The following NTM variants were observed in gnomAD, a reference collection of about 807,000 sequenced individuals.
NTM encodes the protein IgLON family member 2.
A neutral mutation model predicts 42.1 loss-of-function variants in NTM; 13 were observed. That is an observed-to-expected ratio of 0.31 (90% CI 0.20 to 0.49). The LOEUF (loss-of-function observed/expected upper bound fraction) is 0.49, where lower values mean the gene tolerates loss of function less well. NTM is among the 20% of genes least tolerant of loss of function. The probability of loss-of-function intolerance (pLI) is 0.99; values close to 1 mark genes in which losing one functional copy is unlikely to be tolerated. For missense variants in NTM, 373 were observed against 452.8 expected (o/e 0.82, Z 1.60); for synonymous variants, 187 against 179.2 (o/e 1.04, Z -0.35).
At chr11:131,806,490 C>G (rs769216602) in intron 1 of NTM, among the ~76,000 whole-genome samples, 1 of 152,170 alleles carries the variant, frequency 6.6e-6, no homozygotes, top group Middle Eastern at 3.4e-3. Flanking sequence ...AAGTGCTCAA[C>G]AACTATTTAT....
intron 1 of NTM, among the ~76,000 whole-genome samples, chr11:131,388,424 GTTTT>G (rs374892633): frequency 1.8e-5 from 2 of 110,288 alleles, no homozygotes; most frequent in Non-Finnish European, 3.9e-5. Flanking sequence ...TGGGTTTTGG[GTTTT>G]TTTTTTTTTT....
intron 3 of NTM, among the ~76,000 whole-genome samples, chr11:132,177,012 C>T (rs1219946086): frequency 6.6e-6 from 1 of 152,050 alleles, no homozygotes; most frequent in African/African-American, 2.4e-5. Context: ...GCTGGGGTTA[C>T]AGGTGTGAGC....
At chr11:131,647,096 TC>T (rs1316231409) in intron 1 of NTM, among the ~76,000 whole-genome samples, 2 of 152,194 alleles carry the variant, frequency 1.3e-5, no homozygotes, top group Non-Finnish European at 2.9e-5. Flanking sequence ...CGGGGTGAAC[TC>T]ATCTTAAATC....
rs1222780177 is a variant in NTM at position 131,878,369 on chromosome 11, G to A, written c.83-33195G>A. On this transcript the variant is annotated intron_variant, in intron 1 of 8. Transcript: ENST00000683400. ...ATGGATCACCTGAGGTCAGGAGTTC[G>A]AGACCAGCCTGGCCAACATGGTGAA... 2.0e-5 allele frequency among the ~76,000 whole-genome samples: 3 copies of A among 151,398 alleles called. 1 individual carries two copies. Among genetic ancestry groups the A allele is most frequent in the Admixed American group, 6.6e-5 (1 of 15,226 alleles).
intron 3 of NTM, among the ~76,000 whole-genome samples, chr11:132,200,221 C>T (rs1019804204): frequency 6.6e-6 from 1 of 152,138 alleles, no homozygotes; most frequent in Non-Finnish European, 1.5e-5. Flanking sequence ...AGTGGGACCA[C>T]CTCCCAGGAT....
chr11:132,314,277 G>T (rs115497357), intron 6 of NTM, among the ~76,000 whole-genome samples: 1,784 of 152,318 alleles, frequency 0.012, 35 homozygotes, highest in African/African-American at 0.041. Flanking sequence ...TTGTGGTGTT[G>T]CTGTCAGACT....
At chr11:132,235,993 GACACACAC>G (rs367555812) in intron 4 of NTM, among the ~76,000 whole-genome samples, 60 of 101,266 alleles carry the variant, frequency 5.9e-4, no homozygotes, top group African/African-American at 1.8e-3. Context: ...CACACACACA[GACACACAC>G]ACACACACAC....
At chr11:132,207,521 A>G (rs996400842) in intron 3 of NTM, among the ~76,000 whole-genome samples, 1 of 152,188 alleles carries the variant, frequency 6.6e-6, no homozygotes, top group Non-Finnish European at 1.5e-5. Context: ...ATATAAATAC[A>G]ATGCATAATA....
intron 2 of NTM, among the ~76,000 whole-genome samples, chr11:132,033,072 C>A (rs530816269): frequency 1.2e-4 from 19 of 152,166 alleles, no homozygotes; most frequent in Admixed American, 1.2e-3. Context: ...CATAGCTTTA[C>A]CTCTGGGATT....
At chr11:131,961,696 C>CG (rs2062191588) in intron 2 of NTM, among the ~76,000 whole-genome samples, 1 of 152,056 alleles carries the variant, frequency 6.6e-6, no homozygotes, top group Non-Finnish European at 1.5e-5. Context: ...CAAGAGTGGC[C>CG]GGCAGTGAGG....
chr11:131,760,542 G>A (rs1470124389), intron 1 of NTM, among the ~76,000 whole-genome samples: 2 of 152,130 alleles, frequency 1.3e-5, no homozygotes, highest in Non-Finnish European at 2.9e-5. Flanking sequence ...CATCTGTTCC[G>A]TTCTGATTCC....
At chr11:132,202,978 C>T (rs1199675941) in intron 3 of NTM, among the ~76,000 whole-genome samples, 1 of 152,120 alleles carries the variant, frequency 6.6e-6, no homozygotes, top group Non-Finnish European at 1.5e-5. Flanking sequence ...AATAATAATC[C>T]ACTGAGGTTA....
chr11:131,404,882 A>G (rs754384364), intron 1 of NTM, among the ~76,000 whole-genome samples: 1 of 152,198 alleles, frequency 6.6e-6, no homozygotes, highest in Non-Finnish European at 1.5e-5. Flanking sequence ...GTGATTCGCC[A>G]TTGAAATAAA....
At chr11:131,596,080 A>T (rs896212757) in intron 1 of NTM, among the ~76,000 whole-genome samples, 1 of 152,206 alleles carries the variant, frequency 6.6e-6, no homozygotes, top group Non-Finnish European at 1.5e-5. Flanking sequence ...CTTGTTTGTA[A>T]CATGAAGCTA....
chr11:131,479,516 G>A (rs1953318701), intron 1 of NTM, among the ~76,000 whole-genome samples: 1 of 152,186 alleles, frequency 6.6e-6, no homozygotes, highest in Non-Finnish European at 1.5e-5. Context: ...GTGGAAGGAA[G>A]AGAAAAAGGA....
At chr11:131,600,536 A>C (rs901342589) in intron 1 of NTM, among the ~76,000 whole-genome samples, 40 of 152,334 alleles carry the variant, frequency 2.6e-4, no homozygotes, top group African/African-American at 9.4e-4. Context: ...AAGCCTTTTA[A>C]AAAACAAAAA....
At chr11:132,131,466 TG>T (rs1320998149) in intron 2 of NTM, among the ~76,000 whole-genome samples, 1 of 152,232 alleles carries the variant, frequency 6.6e-6, no homozygotes, top group Non-Finnish European at 1.5e-5. Flanking sequence ...AATTGCCATA[TG>T]GGCTGGCAAA....
At chr11:131,372,196 C>T (rs920183920) in intron 1 of NTM, among the ~76,000 whole-genome samples, 1 of 152,106 alleles carries the variant, frequency 6.6e-6, no homozygotes, top group African/African-American at 2.4e-5. Context: ...TGTGTACACC[C>T]TTGACTGGGG....
intron 1 of NTM, among the ~76,000 whole-genome samples, chr11:131,676,038 G>T (rs77864862): frequency 0.032 from 4,876 of 152,252 alleles, 264 homozygotes; most frequent in African/African-American, 0.11. Context: ...TAGCTGGGTA[G>T]GTCCATGTCA....
Sources: gnomAD v4.1 joint callset for allele counts (sites outside exome capture counted in the v4.1 genomes callset) on GRCh38, gnomAD v4.1.1 for gene constraint, MANE v1.5 for transcripts, NCBI Gene and HGNC (gene_info 2026-07-23, HGNC 2026-07-21) for gene names.